AATF: variants seen among roughly 807,000 people sequenced by gnomAD.
AATF encodes protein AATF.
In AATF, 48 loss-of-function variants were observed where a neutral mutation model predicts 63.7. The observed-to-expected ratio is 0.75, with a 90% CI of 0.60 to 0.96. The LOEUF (loss-of-function observed/expected upper bound fraction) is 0.96, where lower values mean the gene tolerates loss of function less well. AATF is among the 40% of genes least tolerant of loss of function. The probability of loss-of-function intolerance (pLI) is 0.00; values close to 1 mark genes in which losing one functional copy is unlikely to be tolerated. For synonymous variants in AATF, 258 were observed against 247.7 expected, an observed-to-expected ratio of 1.04 and a Z score of -0.39; for missense variants, 639 against 685.7, an observed-to-expected ratio of 0.93 and a Z score of 0.76.
chr17:36,975,932 A>G (rs35946830), intron 4 of AATF, among the ~76,000 whole-genome samples: 40,652 of 151,946 alleles, frequency 0.27, 8,057 homozygotes, highest in African/African-American at 0.57. Context: ...TTTGGAGACT[A>G]TTAATCCATT....
chr17:36,955,671 C>G (rs1333769546), intron 4 of AATF, among the ~76,000 whole-genome samples: 1 of 152,070 alleles, frequency 6.6e-6, no homozygotes, highest in Non-Finnish European at 1.5e-5. Flanking sequence ...TTTGCTTGAG[C>G]CTTTTTCATT....
intron 4 of AATF, among the ~76,000 whole-genome samples, chr17:36,968,655 T>A (rs1597704449): frequency 6.6e-6 from 1 of 151,934 alleles, no homozygotes; most frequent in East Asian, 1.9e-4. Flanking sequence ...AAGGTCCCAC[T>A]CTGTCACCTA....
At chr17:36,984,256 A>G (rs1175338291) in intron 4 of AATF, among the ~76,000 whole-genome samples, 2 of 152,252 alleles carry the variant, frequency 1.3e-5, no homozygotes, top group East Asian at 1.9e-4. Flanking sequence ...AAGCATGGCC[A>G]GAGATAAATG....
At chr17:37,014,173 C>T (rs927332265) in intron 8 of AATF, among the ~76,000 whole-genome samples, 2 of 151,958 alleles carry the variant, frequency 1.3e-5, no homozygotes, top group Admixed American at 1.3e-4. Context: ...TCTCATTATA[C>T]TTGGTTAATA....
intron 4 of AATF, among the ~76,000 whole-genome samples, chr17:36,976,191 T>A (rs887437274): frequency 4.6e-5 from 7 of 152,370 alleles, no homozygotes; most frequent in African/African-American, 1.7e-4. Context: ...CCCAGATAGT[T>A]TTGATACATA....
chr17:36,964,544 A>G (rs1413182632), intron 4 of AATF, among the ~76,000 whole-genome samples: 2 of 152,174 alleles, frequency 1.3e-5, no homozygotes, highest in Non-Finnish European at 2.9e-5. Flanking sequence ...CTGCATTTAC[A>G]GTGTATTACC....
intron 11 of AATF, chr17:37,052,180 G>A (rs2071758032): frequency 6.6e-6 from 1 of 152,198 alleles, no homozygotes; most frequent in African/African-American, 2.4e-5. Flanking sequence ...ATGGGGAGCA[G>A]GAATTATGTG....
At chr17:36,998,337 G>A (rs1229006715) in intron 8 of AATF, among the ~76,000 whole-genome samples, 2 of 152,190 alleles carry the variant, frequency 1.3e-5, no homozygotes, top group Admixed American at 1.3e-4. Context: ...TGCAGAAAAT[G>A]GAGCCTGAAG....
At chr17:37,049,778 G>A (rs1245365501) in intron 11 of AATF, among the ~76,000 whole-genome samples, 4 of 152,142 alleles carry the variant, frequency 2.6e-5, no homozygotes, top group Admixed American at 6.5e-5. Context: ...GTTAGCATGT[G>A]CCAAGTGATA....
chr17:37,032,685 G>A (rs918323932), intron 11 of AATF, among the ~76,000 whole-genome samples: 6 of 152,044 alleles, frequency 3.9e-5, no homozygotes, highest in African/African-American at 1.4e-4. Context: ...TTTCATTTCA[G>A]TTTTTGTAAG....
intron 9 of AATF, 26 bp from the exon 10 acceptor site, chr17:37,020,908 C>G (rs1302862320): frequency 6.3e-7 from 1 of 1,583,120 alleles, no homozygotes; most frequent in Non-Finnish European, 8.6e-7. Flanking sequence ...AGTGATGATG[C>G]ATAACATTGC....
chr17:36,975,622 A>G (rs984549472), intron 4 of AATF, among the ~76,000 whole-genome samples: 4 of 152,200 alleles, frequency 2.6e-5, no homozygotes, highest in African/African-American at 9.6e-5. Context: ...CAATGCTGCA[A>G]ATAACATTTT....
intron 8 of AATF, chr17:36,998,813 C>T (rs1483824776): frequency 6.6e-6 from 1 of 152,038 alleles, no homozygotes; most frequent in East Asian, 1.9e-4. Flanking sequence ...TTTGTGTTAC[C>T]TAAGAAGAGT....
chr17:37,034,695 A>T (rs932562187), intron 11 of AATF: 1 of 152,234 alleles, frequency 6.6e-6, no homozygotes, highest in Non-Finnish European at 1.5e-5. Flanking sequence ...AAACAAAGTT[A>T]ATAGGTAAAT....
rs767344407 is a variant in AATF at position 37,035,541 on chromosome 17, C to CTTTT, written c.1619+3868_1619+3871dup. ...GGATTATTTGACATTGTGTTTCCAA[C>CTTTT]TTTTTTTTTTTTTTTGAGATGGAGT... On this transcript the variant is annotated intron_variant, in intron 11 of 11. Coordinates refer to ENST00000619387, the MANE Select transcript of AATF (RefSeq NM_012138.4). 4.8e-4 allele frequency among the ~76,000 whole-genome samples: 68 copies of CTTTT among 143,112 alleles called. 1 individual carries two copies. Among genetic ancestry groups the CTTTT allele is most frequent in the Non-Finnish European group, 7.1e-4 (46 of 65,242 alleles). The allele number at this position is 143,112 out of a possible 152,430, so 93.9% of individuals were successfully genotyped here.
chr17:37,056,285 G>A (rs769178762), intron 11 of AATF: 8 of 277,446 alleles, frequency 2.9e-5, no homozygotes, highest in Admixed American at 1.4e-4. Flanking sequence ...ATCGGATGGC[G>A]GTCTCCTACA....
At chr17:37,035,495 A>G (rs938767688) in intron 11 of AATF, among the ~76,000 whole-genome samples, 13 of 152,090 alleles carry the variant, frequency 8.5e-5, no homozygotes, top group African/African-American at 3.1e-4. Flanking sequence ...TTGGAAATGT[A>G]ATTGGCAAAA....
chr17:37,014,999 T>A (rs946452089), intron 8 of AATF, among the ~76,000 whole-genome samples: 1 of 152,166 alleles, frequency 6.6e-6, no homozygotes, highest in East Asian at 1.9e-4. Flanking sequence ...TCATTGTAAG[T>A]TTTGGGGGTT....
chr17:36,954,012 C>A, intron 4 of AATF, 105 bp downstream of exon 4: 5 of 1,158,602 alleles, frequency 4.3e-6, no homozygotes, highest in African/African-American at 1.6e-5. Context: ...ATTGTGCTTT[C>A]TTCTCATCTG....
Sources: gnomAD v4.1 joint callset for allele counts (sites outside exome capture counted in the v4.1 genomes callset) on GRCh38, gnomAD v4.1.1 for gene constraint, MANE v1.5 for transcripts, NCBI Gene and HGNC (gene_info 2026-07-23, HGNC 2026-07-21) for gene names.